The following CYRIB variants were observed in gnomAD, a reference collection of about 807,000 sequenced individuals.
The protein encoded by CYRIB is CYFIP-related Rac1 interactor B.
Under a neutral mutation model 44.2 loss-of-function variants are expected in CYRIB, and 8 were observed. The ratio of observed to expected loss-of-function variants is 0.18; its 90% CI spans 0.11 to 0.33. The LOEUF (loss-of-function observed/expected upper bound fraction) is 0.33. Among genes scored for constraint, CYRIB ranks in the 10% least tolerant of loss-of-function variants. The pLI, the probability that CYRIB is intolerant of heterozygous loss-of-function variation, is 1.00. For synonymous variants in CYRIB, 131 were observed against 127.2 expected, an observed-to-expected ratio of 1.03 and a Z score of -0.20; for missense variants, 185 against 382.8, an observed-to-expected ratio of 0.48 and a Z score of 4.31.
At chr8:129,941,272 G>GTTTTTTTT (rs551305807), upstream of CYRIB, among the ~76,000 whole-genome samples, 5 of 124,988 alleles carry the variant, frequency 4.0e-5, no homozygotes, top group African/African-American at 6.2e-5. Flanking sequence ...AACTGAAGGA[G>GTTTTTTTT]ATTTTTTTTT....
chr8:129,858,493 A>T (rs1183584678), intron 5 of CYRIB, among the ~76,000 whole-genome samples: 4 of 152,170 alleles, frequency 2.6e-5, no homozygotes, highest in African/African-American at 7.2e-5. Flanking sequence ...GTTGATTAGG[A>T]AGAGGAGGCC....
At chr8:129,876,115 GAA>G (rs200991109) in intron 3 of CYRIB, among the ~76,000 whole-genome samples, 3 of 122,968 alleles carry the variant, frequency 2.4e-5, no homozygotes, top group Admixed American at 8.0e-5. Flanking sequence ...TCCATCTCAA[GAA>G]AAAAAAAAAA....
chr8:129,862,199 G>T (rs750134379), intron 5 of CYRIB, 30 bp downstream of exon 7: 1 of 1,420,774 alleles, frequency 7.0e-7, no homozygotes, highest in Non-Finnish European at 9.9e-7. Context: ...TTTCACTAGG[G>T]AAGTCACAAT....
chr8:129,873,194 AT>A (rs1167917464), intron 3 of CYRIB, among the ~76,000 whole-genome samples: 1 of 151,948 alleles, frequency 6.6e-6, no homozygotes, highest in Non-Finnish European at 1.5e-5. Context: ...TTCAGAAATC[AT>A]TTTTTAGGAG....
chr8:129,912,649 T>C (rs1051630107), intron 1 of CYRIB: 20 of 152,272 alleles, frequency 1.3e-4, no homozygotes, highest in African/African-American at 4.6e-4. Context: ...GTTTTTTAAA[T>C]TTGCCTTTAT....
At chr8:130,003,744 A>G (rs2096963004) in intron 1 of CYRIB, among the ~76,000 whole-genome samples, 1 of 152,224 alleles carries the variant, frequency 6.6e-6, no homozygotes, top group Non-Finnish European at 1.5e-5. Context: ...TCTAGGGAGA[A>G]GCATTTTCCA....
At chr8:129,846,099 T>A (rs1351705277) in intron 11 of CYRIB, among the ~76,000 whole-genome samples, 1 of 152,230 alleles carries the variant, frequency 6.6e-6, no homozygotes, top group African/African-American at 2.4e-5. Context: ...GCCACTGTAC[T>A]CTAGCCTGGG....
intron 3 of CYRIB, among the ~76,000 whole-genome samples, chr8:129,873,245 T>C (rs1027654322): frequency 2.6e-5 from 4 of 151,912 alleles, no homozygotes; most frequent in East Asian, 1.9e-4. Flanking sequence ...GAGGAGCCAA[T>C]TGAAAAATTA....
chr8:130,013,970 G>A lies in CYRIB; in HGVS notation c.-296+2400C>T, dbSNP rs147481201. ...AGAGGAAGCACAAAGACCACTCAGCGTCTGCAAGAAGAAAAGTGAGCTCTG... is the reference window on the plus strand; with the variant it reads ...AGAGGAAGCACAAAGACCACTCAGCATCTGCAAGAAGAAAAGTGAGCTCTG... On this transcript the variant is annotated intron_variant, in intron 1 of 14. Transcript: ENST00000401979. Among the ~76,000 whole-genome samples, 333 of 152,322 alleles carry A rather than the reference G, an allele frequency of 2.2e-3. 3 individuals are homozygous for A. Among genetic ancestry groups the A allele is most frequent in the African/African-American group, 7.4e-3 (307 of 41,576 alleles).
chr8:129,930,173 T>C (rs1334510908), intron 1 of CYRIB, among the ~76,000 whole-genome samples: 2 of 151,432 alleles, frequency 1.3e-5, no homozygotes, highest in African/African-American at 4.8e-5. Flanking sequence ...ATCGCACCAC[T>C]GCACTCCAGC....
chr8:130,008,645 G>A (rs185575939), intron 1 of CYRIB, among the ~76,000 whole-genome samples: 1 of 152,262 alleles, frequency 6.6e-6, no homozygotes. Flanking sequence ...CTGAAAACTT[G>A]AGAGTTATGA....
At chr8:129,967,457 G>A (rs1184611014) in intron 2 of CYRIB, among the ~76,000 whole-genome samples, 1 of 151,170 alleles carries the variant, frequency 6.6e-6, no homozygotes, top group Non-Finnish European at 1.5e-5. Flanking sequence ...TCGGCTCACT[G>A]CAAACTCCAC....
intron 1 of CYRIB, among the ~76,000 whole-genome samples, chr8:129,909,119 C>G (rs989070703): frequency 6.6e-6 from 1 of 151,962 alleles, no homozygotes; most frequent in African/African-American, 2.4e-5. Flanking sequence ...TATTGTAAAC[C>G]CATGCTCCAG....
chr8:129,887,864 A>ACAGTAACTAACT (rs2063418552), intron 2 of CYRIB, among the ~76,000 whole-genome samples: 1 of 152,186 alleles, frequency 6.6e-6, no homozygotes, highest in African/African-American at 2.4e-5. Context: ...CCCTCATTGT[A>ACAGTAACTAACT]TCTTGGAAGT....
chr8:129,998,129 AAAAAAAAAAC>A (rs937291993), intron 1 of CYRIB, among the ~76,000 whole-genome samples: 2 of 151,356 alleles, frequency 1.3e-5, no homozygotes, highest in African/African-American at 4.9e-5. Context: ...CAAAAAAAAA[AAAAAAAAAAC>A]AAAAAAAACA....
chr8:129,997,124 G>GGAGGAGGAC (rs1491097671), intron 1 of CYRIB, among the ~76,000 whole-genome samples: 2 of 149,998 alleles, frequency 1.3e-5, no homozygotes, highest in African/African-American at 4.9e-5. Context: ...GAAGGAAGGA[G>GGAGGAGGAC]GAGGAGGAGG....
At chr8:129,908,342 T>G (rs973908321) in intron 1 of CYRIB, among the ~76,000 whole-genome samples, 1 of 152,070 alleles carries the variant, frequency 6.6e-6, no homozygotes, top group Non-Finnish European at 1.5e-5. Context: ...CAATAAATTA[T>G]GAAAAAAATG....
chr8:129,905,169 T>C (rs2074560183), intron 1 of CYRIB, among the ~76,000 whole-genome samples: 1 of 151,890 alleles, frequency 6.6e-6, no homozygotes, highest in South Asian at 2.1e-4. Context: ...ATTTATTTAT[T>C]TGAGACAGAG....
At position 129,992,325 on chromosome 8, in the gene CYRIB, A is replaced by G. The variant is rs149522208; in HGVS notation, c.-295-21330T>C. 1.2e-4 allele frequency among the ~76,000 whole-genome samples: 19 copies of G among 152,264 alleles called. 1 individual carries two copies. In the East Asian group the frequency reaches 3.7e-3, roughly 29 times the overall value. On this transcript the variant is annotated intron_variant, in intron 1 of 14. Coordinates refer to the CYRIB transcript ENST00000401979. ...TAAAAATAAAAAATAAAACAAAAAC[A>G]TTTTTTAAAAATCTGATACAATCTG...
Sources: allele counts gnomAD v4.1 joint callset (sites outside exome capture counted in the v4.1 genomes callset), GRCh38; gene constraint gnomAD v4.1.1; transcripts MANE v1.5; gene names NCBI Gene and HGNC (gene_info 2026-07-23, HGNC 2026-07-21).